CNNM2: variants seen among roughly 807,000 people sequenced by gnomAD.
CNNM2 encodes metal transporter CNNM2.
Under a neutral mutation model 66.9 loss-of-function variants are expected in CNNM2, and 12 were observed. The observed-to-expected ratio is 0.18, with a 90% CI of 0.11 to 0.29. CNNM2 has a LOEUF of 0.29. Among genes scored for constraint, CNNM2 ranks in the 10% least tolerant of loss-of-function variants. The pLI, the probability that CNNM2 is intolerant of heterozygous loss-of-function variation, is 1.00. For missense variants in CNNM2, 705 were observed against 1,167.7 expected, an observed-to-expected ratio of 0.60 and a Z score of 5.77; for synonymous variants, 557 against 501.8, an observed-to-expected ratio of 1.11 and a Z score of -1.47.
intron 4 of CNNM2, among the ~76,000 whole-genome samples, chr10:103,062,720 A>G (rs1016713698): frequency 2.6e-5 from 4 of 152,198 alleles, no homozygotes; most frequent in Admixed American, 6.5e-5. Context: ...TGTGTGTCCA[A>G]GATGTCTGCA....
intron 1 of CNNM2, among the ~76,000 whole-genome samples, chr10:103,020,788 CG>C (rs2064559066): frequency 7.4e-6 from 1 of 134,618 alleles, no homozygotes; most frequent in Non-Finnish European, 1.7e-5. Context: ...TGGGAAGGGG[CG>C]AAGGGCGCAT....
In CNNM2 at chr10:102,940,053, C is replaced by T. The variant is rs555985974; in HGVS notation, c.1621+19952C>T. ...GCCAAAGAGGAATTAGACAGATTTC[C>T]TGCTCTCAGGTAACTTGAAGTACAT... On this transcript the variant is annotated intron_variant, in intron 1 of 7. Coordinates refer to ENST00000369878, the MANE Select transcript of CNNM2 (RefSeq NM_017649.5). 1.2e-3 allele frequency among the ~76,000 whole-genome samples: 190 copies of T among 152,132 alleles called. 1 individual carries two copies. Among genetic ancestry groups the T allele is most frequent in the Non-Finnish European group, 2.3e-3 (153 of 67,986 alleles).
chr10:103,053,198 G>A (rs1297406830), intron 2 of CNNM2, among the ~76,000 whole-genome samples: 1 of 152,206 alleles, frequency 6.6e-6, no homozygotes, highest in Non-Finnish European at 1.5e-5. Flanking sequence ...TGCAAGCTAA[G>A]AGTGTCTTTT....
intron 4 of CNNM2, among the ~76,000 whole-genome samples, chr10:103,066,543 T>C (rs1399783187): frequency 6.6e-6 from 1 of 152,172 alleles, no homozygotes; most frequent in Non-Finnish European, 1.5e-5. Flanking sequence ...CCCAGCTGCC[T>C]TCCAGATGTG....
At chr10:103,020,756 G>C (rs2064558403) in intron 1 of CNNM2, among the ~76,000 whole-genome samples, 1 of 151,846 alleles carries the variant, frequency 6.6e-6, no homozygotes, top group African/African-American at 2.4e-5. Context: ...ATTATTGACA[G>C]TAGAATGAAT....
At chr10:103,025,630 T>G (rs1657151624) in intron 1 of CNNM2, among the ~76,000 whole-genome samples, 2 of 152,228 alleles carry the variant, frequency 1.3e-5, no homozygotes, top group South Asian at 4.1e-4. Flanking sequence ...GATTCGTGTT[T>G]CATACAATAG....
intron 1 of CNNM2, among the ~76,000 whole-genome samples, chr10:102,958,166 C>CGAGATG (rs1847117291): frequency 6.6e-6 from 1 of 152,180 alleles, no homozygotes; most frequent in South Asian, 2.1e-4. Context: ...GAACTCCCGA[C>CGAGATG]CTCAGGTGAT....
chr10:102,947,822 C>A (rs569998215), intron 1 of CNNM2, among the ~76,000 whole-genome samples: 5 of 151,864 alleles, frequency 3.3e-5, no homozygotes, highest in African/African-American at 1.2e-4. Context: ...GAGGCCAAGG[C>A]GGGCAAATCA....
rs17115263 is a variant in CNNM2 at position 102,946,590 on chromosome 10, C to A, written c.1621+26489C>A. 0.012 allele frequency among the ~76,000 whole-genome samples: 1,778 copies of A among 152,094 alleles called. 32 individuals are homozygous for A. The highest frequency in any genetic ancestry group is 0.04 in the African/African-American group (1,657 of 41,448). ...TTGTTTTTTTAAAGATCTATTCTTC[C>A]CTGCTTGTGCAACTCCTTTGAGCCC... On this transcript the variant is annotated intron_variant, in intron 1 of 7. Transcript: ENST00000369878.
At chr10:103,039,383 C>T (rs1290821158) in intron 1 of CNNM2, among the ~76,000 whole-genome samples, 4 of 152,130 alleles carry the variant, frequency 2.6e-5, no homozygotes, top group Admixed American at 6.6e-5. Flanking sequence ...GTGATCCGCC[C>T]GCCTCGGCCT....
chr10:102,999,157 G>A (rs1272207317), intron 1 of CNNM2, among the ~76,000 whole-genome samples: 16 of 150,744 alleles, frequency 1.1e-4, no homozygotes, highest in Non-Finnish European at 1.0e-4. Context: ...TGCAAGCTCC[G>A]CCTCCTGGGT....
intron 1 of CNNM2, among the ~76,000 whole-genome samples, chr10:102,951,107 C>T (rs1393892824): frequency 6.6e-6 from 1 of 151,228 alleles, no homozygotes; most frequent in Non-Finnish European, 1.5e-5. Flanking sequence ...CCTGCCTCAA[C>T]CTCCCAAGTA....
intron 1 of CNNM2, among the ~76,000 whole-genome samples, chr10:102,979,920 A>G (rs962580686): frequency 3.4e-5 from 5 of 146,986 alleles, no homozygotes; most frequent in African/African-American, 1.0e-4. Context: ...TTTTCTTTTT[A>G]TTTTTTTTTT....
intron 1 of CNNM2, among the ~76,000 whole-genome samples, chr10:102,995,551 T>G (rs1365404617): frequency 6.6e-6 from 1 of 151,798 alleles, no homozygotes; most frequent in African/African-American, 2.4e-5. Flanking sequence ...TAAAATAATA[T>G]TTGTTCTATT....
At chr10:103,066,734 C>T (rs1191960280) in intron 4 of CNNM2, among the ~76,000 whole-genome samples, 1 of 152,216 alleles carries the variant, frequency 6.6e-6, no homozygotes, top group Non-Finnish European at 1.5e-5. Context: ...TCTTTTTCCT[C>T]ATGCTGAGCT....
chr10:103,012,334 T>C (rs533588268), intron 1 of CNNM2, among the ~76,000 whole-genome samples: 1 of 152,176 alleles, frequency 6.6e-6, no homozygotes, highest in Non-Finnish European at 1.5e-5. Flanking sequence ...CTAGGTATCA[T>C]TGATAATGTT....
At chr10:103,040,520 T>C (rs2065021362) in intron 1 of CNNM2, among the ~76,000 whole-genome samples, 1 of 152,124 alleles carries the variant, frequency 6.6e-6, no homozygotes, top group Non-Finnish European at 1.5e-5. Flanking sequence ...GATGGAATGC[T>C]GTGGTTATGT....
At chr10:102,958,459 GTTTTTTTTTT>G (rs33992570) in intron 1 of CNNM2, among the ~76,000 whole-genome samples, 3 of 51,742 alleles carry the variant, frequency 5.8e-5, no homozygotes, top group Admixed American at 2.7e-4. Flanking sequence ...CAAGCAACTT[GTTTTTTTTTT>G]TTTTTTTTTT....
chr10:103,048,335 C>A (rs2065163215), intron 1 of CNNM2, among the ~76,000 whole-genome samples: 1 of 151,854 alleles, frequency 6.6e-6, no homozygotes. Context: ...CCCACCTCAG[C>A]CTCCTGAGTA....
Sources: allele counts gnomAD v4.1 joint callset (sites outside exome capture counted in the v4.1 genomes callset), GRCh38; gene constraint gnomAD v4.1.1; transcripts MANE v1.5; gene names NCBI Gene and HGNC (gene_info 2026-07-23, HGNC 2026-07-21).